The following SAG variants were observed in gnomAD, a reference collection of about 807,000 sequenced individuals.
The protein encoded by SAG is S-antigen visual arrestin.
Under a neutral mutation model 55.0 loss-of-function variants are expected in SAG, and 45 were observed. That is an observed-to-expected ratio of 0.82 (90% CI 0.64 to 1.05). SAG has a LOEUF of 1.05. Among genes scored for constraint, SAG ranks in the 50% least tolerant of loss-of-function variants. The pLI, the probability that SAG is intolerant of heterozygous loss-of-function variation, is 0.00. For synonymous variants in SAG, 189 were observed against 197.4 expected (o/e 0.96, Z 0.36); for missense variants, 455 against 512.1 (o/e 0.89, Z 1.08).
intron 5 of SAG, among the ~76,000 whole-genome samples, 158 bp from the exon 6 acceptor site, chr2:233,322,787 TG>T (rs1700427346): frequency 6.6e-6 from 1 of 152,238 alleles, no homozygotes; most frequent in Non-Finnish European, 1.5e-5. Context: ...GGGAAGGTTA[TG>T]TTAGCAATAT....
chr2:233,313,929 A>G (rs916675401), intron 2 of SAG, among the ~76,000 whole-genome samples: 21 of 151,686 alleles, frequency 1.4e-4, no homozygotes, highest in African/African-American at 4.6e-4. Flanking sequence ...AGAAATCACA[A>G]GAAATAGCCA....
At chr2:233,338,353 T>G (rs1701001619) in intron 11 of SAG, among the ~76,000 whole-genome samples, 1 of 152,194 alleles carries the variant, frequency 6.6e-6, no homozygotes, top group South Asian at 2.1e-4. Flanking sequence ...CTTGCAGTTT[T>G]GGCAAGTGGT....
intron 2 of SAG, among the ~76,000 whole-genome samples, chr2:233,314,861 C>T (rs1362630507): frequency 1.3e-5 from 2 of 152,100 alleles, no homozygotes; most frequent in Non-Finnish European, 2.9e-5. Context: ...TGATTTAGGC[C>T]GTTCCTGGAA....
chr2:233,334,636 G>A (rs889077699), intron 10 of SAG: 1 of 242,308 alleles, frequency 4.1e-6, no homozygotes, highest in African/African-American at 2.2e-5. Flanking sequence ...CCACCGTGTG[G>A]TTCACAAAGT....
intron 13 of SAG, 131 bp from the exon 14 acceptor site, chr2:233,342,140 A>AT: frequency 1.5e-6 from 1 of 666,934 alleles, no homozygotes; most frequent in Non-Finnish European, 2.6e-6. Flanking sequence ...AAAAAAAAAA[A>AT]GTTCCCACTG....
rs759690289 is a variant in SAG at position 233,318,732 on chromosome 2, T to C, written c.137-19T>C. 6.8e-6 allele frequency: 11 copies of C among 1,612,262 alleles called. No homozygotes were observed. Among genetic ancestry groups the C allele is most frequent in the Non-Finnish European group, 8.5e-6 (10 of 1,178,398 alleles). ...TTCATCTTCTCCACCCTCACTGCTC[T>C]CTCCCTCTTTTGCCTTAGATGGTGT... On this transcript the variant is annotated intron_variant, in intron 3 of 15. Transcript: ENST00000409110.
chr2:233,310,439 C>T (rs186659763), intron 2 of SAG, among the ~76,000 whole-genome samples: 1 of 151,156 alleles, frequency 6.6e-6, no homozygotes. Context: ...GGCCATATTT[C>T]AGGTGTCCGG....
Position 233,331,514 on chromosome 2 carries a change from G to T in SAG, c.734-126G>T, listed in dbSNP as rs1022663895. The T allele has an allele frequency of 5.1e-5, 37 of 725,316 alleles. No homozygotes were observed. In the African/African-American group the frequency reaches 6.0e-4, roughly 12 times the overall value. 44.9% of individuals were successfully genotyped at this position (725,316 alleles called of 1,614,324 possible). A position where few individuals can be genotyped will look rare whatever the true frequency, so the allele number is the denominator to read the frequency against. On this transcript the variant is annotated intron_variant, in intron 9 of 15. Coordinates refer to ENST00000409110, the MANE Select transcript of SAG (RefSeq NM_000541.5). Reference sequence around the variant, plus strand: ...TGAAGCTGAGGGCTGAGAAAGCCTAGCCTTGGAAGTGGAGGGAAACCATCA... The same window carrying T: ...TGAAGCTGAGGGCTGAGAAAGCCTATCCTTGGAAGTGGAGGGAAACCATCA...
intron 4 of SAG, 73 bp from the exon 5 acceptor site, chr2:233,320,557 C>A: frequency 8.2e-7 from 1 of 1,224,720 alleles, no homozygotes; most frequent in Non-Finnish European, 1.1e-6. Context: ...CCCGTGTTCG[C>A]TGCCCATTCC....
chr2:233,343,365 G>C (rs1701164119), intron 14 of SAG: 1 of 181,480 alleles, frequency 5.5e-6, no homozygotes, highest in Non-Finnish European at 1.2e-5. Context: ...TTACAGGCGT[G>C]AGTCACGGCG....
At chr2:233,310,420 A>G (rs2125318904) in intron 2 of SAG, among the ~76,000 whole-genome samples, 1 of 151,644 alleles carries the variant, frequency 6.6e-6, no homozygotes, top group East Asian at 1.9e-4. Flanking sequence ...GAACATGTCA[A>G]TTTGGAATGG....
rs146574675 is a variant in SAG at position 233,315,585 on chromosome 2, A to G, written c.76-490A>G. Among the ~76,000 whole-genome samples the G allele has an allele frequency of 1.3e-3, 201 of 150,402 alleles. 2 individuals carry two copies. Among genetic ancestry groups the G allele is most frequent in the African/African-American group, 4.5e-3 (186 of 41,086 alleles). Reference sequence around the variant, plus strand: ...TGGGATTACAGGGGTGAGCCACCACACCCAGCCTGTCCAGAAGTTCTTGTG... The same window carrying G: ...TGGGATTACAGGGGTGAGCCACCACGCCCAGCCTGTCCAGAAGTTCTTGTG... On this transcript the variant is annotated intron_variant, in intron 2 of 15. Coordinates refer to ENST00000409110, the MANE Select transcript of SAG (RefSeq NM_000541.5).
In SAG at chr2:233,335,047, G is replaced by T; in HGVS notation, c.892G>T (p.Ala298Ser). ...TAACAATCGAGAAAGGAGAGGCATT[G>T]CCCTGGATGGGAAAATCAAGCACGA... is the stretch of plus-strand genomic sequence containing the variant. Reference protein sequence around the residue: ...LANNRERRGIALDGKIKHEDT... With the variant: ...LANNRERRGISLDGKIKHEDT... The change falls in exon 11 of 16, where the codon GCC (alanine) becomes TCC (serine). Residue 298 changes from alanine to serine, a missense_variant. Physicochemically the swap from Ala to Ser is moderately conservative, Grantham distance 99 (BLOSUM62 1). Coordinates refer to ENST00000409110, the MANE Select transcript of SAG (RefSeq NM_000541.5). 1 of 1,614,032 alleles carries T rather than the reference G, an allele frequency of 6.2e-7. No individual in the cohort carries two copies. Among genetic ancestry groups the T allele is most frequent in the Non-Finnish European group, 8.5e-7 (1 of 1,179,868 alleles).
At chr2:233,318,659 T>C (rs755201469) in intron 3 of SAG, 92 bp from the exon 4 acceptor site, 16 of 1,052,230 alleles carry the variant, frequency 1.5e-5, no homozygotes, top group Non-Finnish European at 2.1e-5. Context: ...ATGGATTACA[T>C]GTGTAATTAA....
At chr2:233,331,524 T>C in intron 9 of SAG, 116 bp from the exon 10 acceptor site, 1 of 740,736 alleles carries the variant, frequency 1.4e-6, no homozygotes, top group South Asian at 1.5e-5. Flanking sequence ...GCCTTGGAAG[T>C]GGAGGGAAAC....
At chr2:233,311,306 G>C (rs80271431) in intron 2 of SAG, among the ~76,000 whole-genome samples, 1 of 152,094 alleles carries the variant, frequency 6.6e-6, no homozygotes, top group Non-Finnish European at 1.5e-5. Context: ...TGCTCCTGGC[G>C]TCTCACCCAC....
At chr2:233,312,532 C>G (rs1424561994) in intron 2 of SAG, among the ~76,000 whole-genome samples, 4 of 152,226 alleles carry the variant, frequency 2.6e-5, no homozygotes, top group Non-Finnish European at 5.9e-5. Context: ...AAAGCTATTT[C>G]TCTATTTAGC....
intron 2 of SAG, 43 bp downstream of exon 2, chr2:233,309,307 T>G (rs1553611715): frequency 6.5e-7 from 1 of 1,547,516 alleles, no homozygotes; most frequent in Non-Finnish European, 8.9e-7. Context: ...AATTATTGTT[T>G]AAAAAAAATG....
chr2:233,309,996 C>T (rs78502154), intron 2 of SAG, among the ~76,000 whole-genome samples: 1 of 152,326 alleles, frequency 6.6e-6, no homozygotes, highest in African/African-American at 2.4e-5. Context: ...CCTTCTTCTC[C>T]GTGCACCTAC....
Sources: gnomAD v4.1 joint callset for allele counts (sites outside exome capture counted in the v4.1 genomes callset) on GRCh38, gnomAD v4.1.1 for gene constraint, MANE v1.5 for transcripts, NCBI Gene and HGNC (gene_info 2026-07-23, HGNC 2026-07-21) for gene names.